ARHGEF33: variants seen among roughly 807,000 people sequenced by gnomAD.
The protein encoded by ARHGEF33 is DH and coiled-coil domain-containing protein ENSP00000381780.
In ARHGEF33, 72 loss-of-function variants were observed where a neutral mutation model predicts 101.9. The observed-to-expected ratio is 0.71, with a 90% CI of 0.58 to 0.86. The LOEUF is 0.86. Ranked by LOEUF, ARHGEF33 falls within the 40% of genes least tolerant of loss-of-function variation. The pLI is 0.00. For synonymous variants in ARHGEF33, 499 were observed against 442.5 expected (o/e 1.13, Z -1.60); for missense variants, 1,169 against 1,111.3 (o/e 1.05, Z -0.74).
chr2:38,903,976 T>A (rs974565158), intron 2 of ARHGEF33, among the ~76,000 whole-genome samples: 24 of 152,338 alleles, frequency 1.6e-4, no homozygotes, highest in South Asian at 1.0e-3. Context: ...CTACCCTATG[T>A]TAGAATATAT....
At chr2:38,937,644 G>T in intron 9 of ARHGEF33, 85 bp downstream of exon 9, 1 of 838,326 alleles carries the variant, frequency 1.2e-6, no homozygotes, top group Non-Finnish European at 1.9e-6. Flanking sequence ...AATCCTTGCC[G>T]TTTAGATTCA....
intron 2 of ARHGEF33, among the ~76,000 whole-genome samples, chr2:38,908,367 A>G (rs115820268): frequency 0.027 from 4,141 of 152,318 alleles, 78 homozygotes; most frequent in Middle Eastern, 0.048. Flanking sequence ...ATGAGTCAGA[A>G]GAGCCCCTGG....
chr2:38,953,085 T>A, intron 11 of ARHGEF33, 77 bp from the exon 12 acceptor site: 1 of 719,966 alleles, frequency 1.4e-6, no homozygotes, highest in Non-Finnish European at 2.5e-6. Context: ...ACTCTTCTTT[T>A]ACATATATGA....
Position 38,939,118 on chromosome 2 carries a change from G to A in ARHGEF33, c.790+1559G>A, listed in dbSNP as rs185199236. ...CTCCTGAGTAGCTGGGATTACAGGC[G>A]TGCACCACCACGTCTGGCTAATTTT... is the stretch of plus-strand genomic sequence containing the variant. On this transcript the variant is annotated intron_variant, in intron 9 of 17. Transcript: ENST00000409978. 3.9e-3 allele frequency among the ~76,000 whole-genome samples: 601 copies of A among 152,162 alleles called. 2 individuals are homozygous for A. Among genetic ancestry groups the A allele is most frequent in the African/African-American group, 0.013 (552 of 41,504 alleles).
intron 10 of ARHGEF33, among the ~76,000 whole-genome samples, chr2:38,947,313 T>C (rs1421999708): frequency 1.3e-5 from 2 of 152,216 alleles, no homozygotes; most frequent in African/African-American, 4.8e-5. Flanking sequence ...TGCCCCTGGC[T>C]GAAAGGGCTG....
At chr2:38,919,182 T>C (rs967340032) in intron 2 of ARHGEF33, among the ~76,000 whole-genome samples, 181 bp from the exon 3 acceptor site, 1 of 152,260 alleles carries the variant, frequency 6.6e-6, no homozygotes, top group African/African-American at 2.4e-5. Flanking sequence ...ATGAATTTCA[T>C]ATGTATTCAC....
intron 2 of ARHGEF33, among the ~76,000 whole-genome samples, chr2:38,898,520 A>G (rs2124978347): frequency 6.6e-6 from 1 of 152,330 alleles, no homozygotes; most frequent in South Asian, 2.1e-4. Context: ...GGAAAGAGAA[A>G]GAGGGTACAG....
intron 2 of ARHGEF33, among the ~76,000 whole-genome samples, chr2:38,909,024 A>G (rs1486164849): frequency 6.6e-6 from 1 of 152,198 alleles, no homozygotes; most frequent in Non-Finnish European, 1.5e-5. Flanking sequence ...TGTTGAGAGT[A>G]TGTTGAGAAT....
rs576940629 is a variant in ARHGEF33, at chr2:38,920,295, G to T, written c.25+823G>T. Among the ~76,000 whole-genome samples, 10 of 151,804 alleles carry T rather than the reference G, an allele frequency of 6.6e-5. 1 individual carries two copies. The South Asian group carries it at 2.1e-3, about 32-fold the overall frequency. On this transcript the variant is annotated intron_variant, in intron 3 of 17. Coordinates refer to ENST00000409978, the MANE Select transcript of ARHGEF33 (RefSeq NM_001145451.5). The stretch of plus-strand genomic sequence containing the variant: ...ACGAGCTGAATGTTTTACATGGATT[G>T]CCTCATCTTTATGGCCAACCAATGT...
intron 13 of ARHGEF33, 23 bp downstream of exon 13, chr2:38,954,479 C>T (rs1428985244): frequency 2.6e-5 from 37 of 1,434,456 alleles, no homozygotes; most frequent in Non-Finnish European, 3.4e-5. Context: ...GGGAAAGCCA[C>T]CAAACTGATT....
chr2:38,919,402 G>A lies in ARHGEF33; in HGVS notation c.-46G>A, dbSNP rs1414566503. The A allele has an allele frequency of 2.6e-6, 4 of 1,550,344 alleles. No individual in the cohort carries two copies. The highest frequency in any genetic ancestry group is 2.0e-5 in the Admixed American group (1 of 50,994). ...AGGTGGCCTGAGCCAGGACGATGAGGATGCAATGTTGAAGAATAAGCTGGA... is the reference window on the plus strand; with the variant it reads ...AGGTGGCCTGAGCCAGGACGATGAGAATGCAATGTTGAAGAATAAGCTGGA... On this transcript the variant is annotated 5_prime_UTR_variant, in exon 3 of 18. Coordinates refer to ENST00000409978, the MANE Select transcript of ARHGEF33 (RefSeq NM_001145451.5).
At chr2:38,959,782 G>C (rs1200710125) in intron 15 of ARHGEF33, 59 bp from the exon 16 acceptor site, 2 of 1,444,728 alleles carry the variant, frequency 1.4e-6, no homozygotes, top group East Asian at 2.5e-5. Flanking sequence ...CGGCAGGCGA[G>C]AGGCCTGCAC....
chr2:38,954,565 A>C, intron 13 of ARHGEF33, 109 bp downstream of exon 13: 1 of 707,172 alleles, frequency 1.4e-6, no homozygotes, highest in South Asian at 1.7e-5. Context: ...TAATATTTCT[A>C]AGAAGTGTTT....
At chr2:38,899,813 T>C (rs765938323) in intron 2 of ARHGEF33, among the ~76,000 whole-genome samples, 13 of 152,144 alleles carry the variant, frequency 8.5e-5, no homozygotes, top group Non-Finnish European at 1.5e-4. Flanking sequence ...CTACACTTTC[T>C]AAATATATAC....
rs552802686 is a variant in ARHGEF33, at chr2:38,924,672, C to A, written c.75+3249C>A. ...CTAAATCCATGAATTTAGGACATTACATATCATATGTAATGTTTGCAAGAA... is the reference window on the plus strand; with the variant it reads ...CTAAATCCATGAATTTAGGACATTAAATATCATATGTAATGTTTGCAAGAA... On this transcript the variant is annotated intron_variant, in intron 4 of 17. Transcript: ENST00000409978. 3.3e-5 allele frequency among the ~76,000 whole-genome samples: 5 copies of A among 152,242 alleles called. No homozygotes were observed. The South Asian group carries it at 8.3e-4, about 25-fold the overall frequency.
At chr2:38,970,812 G>A (rs773289464) in intron 17 of ARHGEF33, among the ~76,000 whole-genome samples, 1 of 152,210 alleles carries the variant, frequency 6.6e-6, no homozygotes, top group African/African-American at 2.4e-5. Context: ...TTGGTTAATT[G>A]CTGTCAGTCC....
At chr2:38,916,140 C>G (rs1398043546) in intron 2 of ARHGEF33, among the ~76,000 whole-genome samples, 1 of 152,126 alleles carries the variant, frequency 6.6e-6, no homozygotes, top group Admixed American at 6.5e-5. Context: ...TTTCATTTTA[C>G]CTATGATATA....
At chr2:38,891,572 C>T (rs1283233663) in intron 1 of ARHGEF33, among the ~76,000 whole-genome samples, 1 of 152,004 alleles carries the variant, frequency 6.6e-6, no homozygotes, top group African/African-American at 2.4e-5. Flanking sequence ...AAACCCTATT[C>T]CTGGGACCAC....
chr2:38,951,701 A>C (rs1176388280), intron 11 of ARHGEF33, among the ~76,000 whole-genome samples: 4 of 152,142 alleles, frequency 2.6e-5, no homozygotes, highest in Non-Finnish European at 5.9e-5. Flanking sequence ...GTATATATAC[A>C]CAAATATATA....
Sources: gnomAD v4.1 joint callset for allele counts (sites outside exome capture counted in the v4.1 genomes callset) on GRCh38, gnomAD v4.1.1 for gene constraint, MANE v1.5 for transcripts, NCBI Gene and HGNC (gene_info 2026-07-23, HGNC 2026-07-21) for gene names.